SARDH: variants seen among roughly 807,000 people sequenced by gnomAD.
SARDH encodes sarcosine dehydrogenase, mitochondrial.
A neutral mutation model predicts 109.1 loss-of-function variants in SARDH; 95 were observed. That is an observed-to-expected ratio of 0.87 (90% CI 0.74 to 1.03). SARDH has a LOEUF of 1.03. Ranked by LOEUF, SARDH falls within the 50% of genes least tolerant of loss-of-function variation. The pLI is 0.00. For synonymous variants in SARDH, 572 were observed against 534.8 expected (o/e 1.07, Z -0.96); for missense variants, 1,267 against 1,287.8 (o/e 0.98, Z 0.25).
At chr9:133,699,455 G>C (rs181711596) in intron 13 of SARDH, among the ~76,000 whole-genome samples, 5 of 152,038 alleles carry the variant, frequency 3.3e-5, no homozygotes, top group Admixed American at 6.5e-5. Flanking sequence ...GCAGTGAGCC[G>C]AGATCACACC....
intron 1 of SARDH, among the ~76,000 whole-genome samples, chr9:133,736,857 G>A (rs1832901457): frequency 6.6e-6 from 1 of 152,232 alleles, no homozygotes; most frequent in Non-Finnish European, 1.5e-5. Context: ...GAAGTGCTGT[G>A]CCACCTACGT....
At chr9:133,689,892 G>A (rs129907) in intron 16 of SARDH, among the ~76,000 whole-genome samples, 48,959 of 152,148 alleles carry the variant, frequency 0.32, 8,826 homozygotes, top group Middle Eastern at 0.43. Context: ...TCTCATGGGT[G>A]GGGAACACAG....
At chr9:133,667,869 C>G (rs1830128741) in intron 19 of SARDH, among the ~76,000 whole-genome samples, 1 of 152,154 alleles carries the variant, frequency 6.6e-6, no homozygotes, top group South Asian at 2.1e-4. Flanking sequence ...GACGCTGAGG[C>G]CCCAACTGCC....
intron 16 of SARDH, among the ~76,000 whole-genome samples, chr9:133,689,055 G>A (rs550292250): frequency 6.6e-5 from 10 of 152,264 alleles, no homozygotes; most frequent in African/African-American, 2.4e-4. Flanking sequence ...GGACCCCATG[G>A]CAGAGTCTGG....
chr9:133,705,045 G>T lies in SARDH; in HGVS notation c.1471-14C>A. 1 of 1,580,840 alleles carries T rather than the reference G, an allele frequency of 6.3e-7. No individual in the cohort carries two copies. Among genetic ancestry groups the T allele is most frequent in the Non-Finnish European group, 8.6e-7 (1 of 1,163,750 alleles). ...TCCAAGGAGTTCCTGAGCAGGAGTG[G>T]GGAACAGGCATCTGTCACGCATGGC... is the stretch of plus-strand genomic sequence containing the variant. On this transcript the variant is annotated splice_polypyrimidine_tract_variant and intron_variant, in intron 11 of 20. Transcript: ENST00000439388.
rs1831944629 is a variant in SARDH, at chr9:133,712,138, C to G, written c.1328+481G>C. On this transcript the variant is annotated intron_variant, in intron 10 of 20. Transcript: ENST00000439388. This position sits in a 1 kb window ranked among gnomAD's most constrained non-coding sequence, Gnocchi z 4.1. ...CTCCCTGCTCCCAGAACCTCCACAG[C>G]CCCTCCCCATCACCCTGCATTAGAG... 6.6e-6 allele frequency among the ~76,000 whole-genome samples: 1 copy of G among 152,216 alleles called. No individual in the cohort carries two copies. The highest frequency in any genetic ancestry group is 1.5e-5 in the Non-Finnish European group (1 of 68,036).
intron 17 of SARDH, among the ~76,000 whole-genome samples, chr9:133,683,882 C>T (rs1056154033): frequency 1.3e-5 from 2 of 152,182 alleles, no homozygotes; most frequent in African/African-American, 2.4e-5. Context: ...CCTCCAAACG[C>T]GGCCGTGCAC....
Position 133,732,621 on chromosome 9 carries a change from C to G in SARDH, c.332-20G>C. On this transcript the variant is annotated intron_variant, in intron 2 of 20. Coordinates refer to ENST00000439388, the MANE Select transcript of SARDH (RefSeq NM_001134707.2). ...GCAGGCCTGCCCGGGAGGGTGGGTG[C>G]CATCACTCCCCAGGGAGTGGACTGC... is the stretch of plus-strand genomic sequence containing the variant. 1 of 1,584,392 alleles carries G rather than the reference C, an allele frequency of 6.3e-7. No individual in the cohort carries two copies. The highest frequency in any genetic ancestry group is 8.6e-7 in the Non-Finnish European group (1 of 1,164,210).
chr9:133,731,344 A>G lies in SARDH; in HGVS notation c.651T>C (p.Cys217=), dbSNP rs1272282170. 2 of 1,614,210 alleles carry G rather than the reference A, an allele frequency of 1.2e-6. No homozygotes were observed. The highest frequency in any genetic ancestry group is 8.5e-7 in the Non-Finnish European group (1 of 1,180,038). The change falls in exon 4 of 21, where the codon TGT becomes TGC. Residue 217 remains cysteine, a synonymous_variant. Coordinates refer to ENST00000439388, the MANE Select transcript of SARDH (RefSeq NM_001134707.2). The stretch of plus-strand genomic sequence containing the variant: ...CAGAAGCTGCCCTGGCGAGGGTGGT[A>G]CAGGTGCCAGCGGGGTCCATGGTAC... ...HDGTMDPAGT[C]TTLARAASAR...
Position 133,670,692 on chromosome 9 carries a change from G to A in SARDH, c.2387C>T (p.Ala796Val), listed in dbSNP as rs372292949. The A allele has an allele frequency of 2.5e-6, 4 of 1,607,706 alleles. No homozygotes were observed. Among genetic ancestry groups the A allele is most frequent in the Non-Finnish European group, 3.4e-6 (4 of 1,177,856 alleles). Residue 796 changes from alanine (A) to valine (V), a missense_variant, in exon 19 of 21, where the codon GCC becomes GTC. Ala to Val is a moderately conservative substitution (Grantham distance 64). Coordinates refer to ENST00000439388, the MANE Select transcript of SARDH (RefSeq NM_001134707.2). ...CGGCGACTTGAGCTTGCAGGTGAAGGCCAGGCCTGCCTCCAGGGGGCTGTC... is the reference window on the plus strand; with the variant it reads ...CGGCGACTTGAGCTTGCAGGTGAAGACCAGGCCTGCCTCCAGGGGGCTGTC... ...PDDSPLEAGL[A>V]FTCKLKSPVP... is the part of the protein sequence containing the mutation.
chr9:133,731,396 T>C lies in SARDH; in HGVS notation c.599A>G (p.Tyr200Cys). 6.2e-7 allele frequency: 1 copy of C among 1,614,136 alleles called. No homozygotes were observed. The highest frequency in any genetic ancestry group is 8.5e-7 in the Non-Finnish European group (1 of 1,180,012). Residue 200 changes from tyrosine to cysteine, a missense_variant, in exon 4 of 21, where the codon TAC becomes TGC. By Grantham distance (194) the Tyr-to-Cys change is radical (BLOSUM62 -2). Coordinates refer to ENST00000439388, the MANE Select transcript of SARDH (RefSeq NM_001134707.2). ...GTCGTGCGGCACATACAGGGTCCCG[T>C]AGAGGTCGTCCACATTCATCAGCGG... ...LYPLMNVDDLYGTLYVPHDGT... is the reference protein window; with the variant it reads ...LYPLMNVDDLCGTLYVPHDGT...
chr9:133,732,491 T>C lies in SARDH; in HGVS notation c.442A>G (p.Ile148Val). 1 of 1,612,490 alleles carries C rather than the reference T, an allele frequency of 6.2e-7. No individual in the cohort carries two copies. Among genetic ancestry groups the C allele is most frequent in the Non-Finnish European group, 8.5e-7 (1 of 1,179,504 alleles). The stretch of plus-strand genomic sequence containing the variant: ...GCGATGAAGAGGCCCCCATTCTGGA[T>C]CCAGCCCGTGTGTAGTCCCGTCTCC... ...EEETGLHTGWIQNGGLFIASN... is the reference protein window; with the variant it reads ...EEETGLHTGWVQNGGLFIASN... Residue 148 changes from isoleucine to valine, a missense_variant, in exon 3 of 21, where the codon ATC becomes GTC. Coordinates refer to ENST00000439388, the MANE Select transcript of SARDH (RefSeq NM_001134707.2).
chr9:133,736,390 G>GTTGTTGT (rs1554763808), intron 1 of SARDH, among the ~76,000 whole-genome samples: 37 of 150,390 alleles, frequency 2.5e-4, no homozygotes, highest in African/African-American at 8.0e-4. Context: ...TGTTGTTGTT[G>GTTGTTGT]TTGTTTGTTT....
chr9:133,712,257 G>A lies in SARDH; in HGVS notation c.1328+362C>T, dbSNP rs912509394. ...CGGGGCTGCCTGGCTGCAAGCCGCG[G>A]CATACACACTCAGCACAGTTTTCCC... On this transcript the variant is annotated intron_variant, in intron 10 of 20. Transcript: ENST00000439388. The surrounding 1 kb of genome is among the most constrained non-coding windows in gnomAD (Gnocchi z 4.1). Among the ~76,000 whole-genome samples the A allele has an allele frequency of 6.6e-6, 1 of 152,132 alleles. No individual in the cohort carries two copies. The highest frequency in any genetic ancestry group is 1.5e-5 in the Non-Finnish European group (1 of 68,016).
chr9:133,671,012 G>C (rs1460658131), intron 18 of SARDH, among the ~76,000 whole-genome samples: 4 of 152,148 alleles, frequency 2.6e-5, no homozygotes, highest in Non-Finnish European at 2.9e-5. Flanking sequence ...GCTTGTGAAG[G>C]GGGAGCTTCC....
chr9:133,702,858 G>A (rs1396049040), intron 13 of SARDH, 58 bp downstream of exon 13: 6 of 1,529,524 alleles, frequency 3.9e-6, no homozygotes, highest in Non-Finnish European at 4.5e-6. Flanking sequence ...CCGGCGCAAT[G>A]GCTTATCTGA....
intron 13 of SARDH, among the ~76,000 whole-genome samples, chr9:133,702,363 G>C (rs914282201): frequency 6.6e-6 from 1 of 152,230 alleles, no homozygotes; most frequent in East Asian, 1.9e-4. Flanking sequence ...CAGCTGCCCC[G>C]TGTGAGCAGC....
At chr9:133,716,588 CA>C in intron 8 of SARDH, among the ~76,000 whole-genome samples, 1 of 151,508 alleles carries the variant, frequency 6.6e-6, no homozygotes, top group South Asian at 2.1e-4. Context: ...CCCCCTGGGG[CA>C]GAGCCTTCCA....
At chr9:133,733,434 A>C (rs73662184) in intron 2 of SARDH, among the ~76,000 whole-genome samples, 6,157 of 152,252 alleles carry the variant, frequency 0.04, 416 homozygotes, top group African/African-American at 0.14. Context: ...GGAGAATGAG[A>C]ACTGTAGAAG....
Sources: allele counts gnomAD v4.1 joint callset (sites outside exome capture counted in the v4.1 genomes callset), GRCh38; gene constraint gnomAD v4.1.1; non-coding constraint Gnocchi (gnomAD v3.1); transcripts MANE v1.5; gene names NCBI Gene and HGNC (gene_info 2026-07-23, HGNC 2026-07-21).